GRM6: variants seen among roughly 807,000 people sequenced by gnomAD.
GRM6 encodes metabotropic glutamate receptor 6.
A neutral mutation model predicts 78.4 loss-of-function variants in GRM6; 73 were observed. That is an observed-to-expected ratio of 0.93 (90% confidence interval 0.77 to 1.13). GRM6 has a LOEUF of 1.13. GRM6 is among the 50% of genes most tolerant of loss of function. The probability of loss-of-function intolerance (pLI) is 0.00; values close to 1 mark genes in which losing one functional copy is unlikely to be tolerated. For synonymous variants in GRM6, 580 were observed against 555.0 expected, an observed-to-expected ratio of 1.05 and a Z score of -0.63; for missense variants, 1,251 against 1,256.4, an observed-to-expected ratio of 1.00 and a Z score of 0.07.
At position 178,986,492 on chromosome 5, in the gene GRM6, G is replaced by T. The variant is rs758372034; in HGVS notation, c.1762C>A (p.Pro588Thr). The change falls in exon 9 of 11, where the codon CCG (proline) becomes ACG (threonine). Residue 588 changes from proline to threonine, a missense_variant. By Grantham distance (38) the Pro-to-Thr change is conservative (BLOSUM62 -1). Transcript: ENST00000517717. Reference sequence around the variant, plus strand: ...CCCAGCACGGCCAGGAGGAGCGGCGGGGCTGCCCAGGGGGAGGACCAGCTC... The same window carrying T: ...CCCAGCACGGCCAGGAGGAGCGGCGTGGCTGCCCAGGGGGAGGACCAGCTC... The part of the protein sequence containing the change: ...RLSWSSPWAA[P>T]PLLLAVLGIV... The T allele has an allele frequency of 6.2e-7, 1 of 1,610,386 alleles. No individual in the cohort carries two copies. Among genetic ancestry groups the T allele is most frequent in the East Asian group, 2.2e-5 (1 of 44,814 alleles).
chr5:178,991,524 T>C lies in GRM6; in HGVS notation c.757A>G (p.Arg253Gly). 1.2e-6 allele frequency: 2 copies of C among 1,613,840 alleles called. No homozygotes were observed. The highest frequency in any genetic ancestry group is 1.7e-6 in the Non-Finnish European group (2 of 1,179,860). ...VCIAQSIKIP[R>G]EPKPGEFSKV... ...CTGAACTCTCCTGGCTTTGGTTCCCTGGGAATCTTGATAGACTGGGCAATA... is the reference window on the plus strand; with the variant it reads ...CTGAACTCTCCTGGCTTTGGTTCCCCGGGAATCTTGATAGACTGGGCAATA... The change falls in exon 4 of 11, where the codon AGG (arginine) becomes GGG (glycine). Residue 253 changes from arginine to glycine, a missense_variant. By Grantham distance (125) the Arg-to-Gly change is moderately radical (BLOSUM62 -2). Coordinates refer to ENST00000517717, the MANE Select transcript of GRM6 (RefSeq NM_000843.4). This position sits in a 1 kb window ranked among gnomAD's most constrained non-coding sequence, Gnocchi z 5.0.
At chr5:178,987,034 G>A (rs529689166) in intron 7 of GRM6, 51 bp from the exon 8 acceptor site, 2 of 1,590,728 alleles carry the variant, frequency 1.3e-6, no homozygotes, top group Non-Finnish European at 1.7e-6. Flanking sequence ...AGCAGAGCTG[G>A]CCTCCTGGGG....
rs747765276 is a variant in GRM6 at position 178,986,141 on chromosome 5, T to C, written c.2113A>G (p.Thr705Ala). The change falls in exon 9 of 11, where the codon ACC becomes GCC. Residue 705 changes from threonine to alanine, a missense_variant. By Grantham distance (58) the Thr-to-Ala change is moderately conservative. Coordinates refer to ENST00000517717, the MANE Select transcript of GRM6 (RefSeq NM_000843.4). ...TSQLVITFSL[T>A]SLQVVGMIAW... is the part of the protein sequence containing the mutation. ...GCCTACGGACCCACCTGCAGGGAGG[T>C]GAGGCTGAAGGTGATGACCAGCTGT... The C allele has an allele frequency of 3.7e-6, 6 of 1,612,342 alleles. No individual in the cohort carries two copies. In the Admixed American group the frequency reaches 1.0e-4, roughly 27 times the overall value.
Position 178,994,436 on chromosome 5 carries a change from C to A in GRM6, c.504+5G>T. On this transcript the variant is annotated splice_donor_5th_base_variant and intron_variant, in intron 2 of 10. Coordinates refer to ENST00000517717, the MANE Select transcript of GRM6 (RefSeq NM_000843.4). Reference sequence around the variant, plus strand: ...GGACACCGAGCCCGGCCCCGCGGCCCTCACCGCAAACAGGCGCAGCACGTT... The same window carrying A: ...GGACACCGAGCCCGGCCCCGCGGCCATCACCGCAAACAGGCGCAGCACGTT... 1 of 1,492,074 alleles carries A rather than the reference C, an allele frequency of 6.7e-7. No homozygotes were observed. The highest frequency in any genetic ancestry group is 2.8e-5 in the East Asian group (1 of 35,382). 92.4% of individuals were successfully genotyped at this position (1,492,074 alleles called of 1,614,324 possible). A position where few individuals can be genotyped will look rare whatever the true frequency, so the allele number is the denominator to read the frequency against.
At chr5:178,987,694 T>C (rs1320339514) in intron 7 of GRM6, among the ~76,000 whole-genome samples, 1 of 152,114 alleles carries the variant, frequency 6.6e-6, no homozygotes, top group Non-Finnish European at 1.5e-5. Context: ...TACAGAGTTA[T>C]GGTTTCATAG....
Position 178,990,603 on chromosome 5 carries a change from G to A in GRM6, c.1001C>T (p.Ala334Val), listed in dbSNP as rs1368984024. The change falls in exon 5 of 11, where the codon GCC becomes GTC. Residue 334 changes from alanine (A) to valine (V), a missense_variant. Ala to Val is a moderately conservative substitution (Grantham distance 64, BLOSUM62 0). Coordinates refer to ENST00000517717, the MANE Select transcript of GRM6 (RefSeq NM_000843.4). ...GCCCCTGGACTCACCGTCGATGGAG[G>A]CCCTTTTGGGCAGGATGGTGATGGC... ...VGAITILPKRASIDGFDQYFM... is the reference protein window; with the variant it reads ...VGAITILPKRVSIDGFDQYFM... The A allele has an allele frequency of 6.2e-7, 1 of 1,612,824 alleles. No homozygotes were observed. Among genetic ancestry groups the A allele is most frequent in the Non-Finnish European group, 8.5e-7 (1 of 1,179,528 alleles).
intron 5 of GRM6, 138 bp from the exon 6 acceptor site, chr5:178,989,543 A>G (rs1760636551): frequency 4.6e-6 from 5 of 1,087,372 alleles, no homozygotes; most frequent in South Asian, 1.3e-5. Context: ...AGGCATGGCC[A>G]GGTGAGCTAG....
rs121434304 is a variant in GRM6, at chr5:178,989,075, A to G, written c.1214T>C (p.Ile405Thr). 5.3e-5 allele frequency: 86 copies of G among 1,613,960 alleles called. No homozygotes were observed. Among genetic ancestry groups the G allele is most frequent in the Non-Finnish European group, 7.1e-5 (84 of 1,179,974 alleles). Residue 405 changes from isoleucine (I) to threonine (T), a missense_variant, in exon 7 of 11, where the codon ATT becomes ACT. Physicochemically the swap from Ile to Thr is moderately conservative, Grantham distance 89 (BLOSUM62 -1). Coordinates refer to ENST00000517717, the MANE Select transcript of GRM6 (RefSeq NM_000843.4). ...YEQEGKVQFV[I>T]DAVYAIAHAL... ...GTGGGCAATGGCGTACACCGCATCA[A>G]TCACAAACTGCACCTTGCCCTCCTG...
rs11950921 is a variant in GRM6, at chr5:178,985,715, C to G, written c.2124+415G>C. The G allele has an allele frequency of 8.8e-5, 34 of 384,922 alleles. 1 individual carries two copies. The highest frequency in any genetic ancestry group is 3.5e-4 in the African/African-American group (15 of 43,042). 23.8% of individuals were successfully genotyped at this position (384,922 alleles called of 1,614,324 possible). A position where few individuals can be genotyped will look rare whatever the true frequency, so the allele number is the denominator to read the frequency against. Reference sequence around the variant, plus strand: ...GAGACTCTGTCTAAAAAAAAAAAAACAAAACAACACAGGAACCAAAATAGA... The same window carrying G: ...GAGACTCTGTCTAAAAAAAAAAAAAGAAAACAACACAGGAACCAAAATAGA... On this transcript the variant is annotated intron_variant, in intron 9 of 10. Transcript: ENST00000517717.
intron 7 of GRM6, chr5:178,987,376 G>A (rs557531523): frequency 4.7e-5 from 22 of 466,176 alleles, no homozygotes; most frequent in Middle Eastern, 3.2e-4. Flanking sequence ...TCACAGCAGC[G>A]TTATTCACAT....
intron 9 of GRM6, among the ~76,000 whole-genome samples, chr5:178,984,837 C>T (rs571297620): frequency 4.3e-4 from 66 of 152,214 alleles, no homozygotes; most frequent in South Asian, 3.9e-3. Context: ...GTGCTCCAAA[C>T]GGGTGAGCAG....
chr5:178,985,379 G>A, intron 9 of GRM6: 1 of 389,390 alleles, frequency 2.6e-6, no homozygotes, highest in Non-Finnish European at 5.0e-6. Context: ...TCACAGGAGG[G>A]GAGGGGCTCC....
rs768428966 is a variant in GRM6, at chr5:178,991,704, G to A, written c.722-145C>T. ...CACCCTCCGCCAAGCCTGAGGCAGG[G>A]CTGAGTCGTCCAAAACAAAGAGGTC... On this transcript the variant is annotated intron_variant, in intron 3 of 10. Coordinates refer to ENST00000517717, the MANE Select transcript of GRM6 (RefSeq NM_000843.4). This position sits in a 1 kb window ranked among gnomAD's most constrained non-coding sequence, Gnocchi z 5.0. 1 of 1,195,882 alleles carries A rather than the reference G, an allele frequency of 8.4e-7. No individual in the cohort carries two copies. The highest frequency in any genetic ancestry group is 2.3e-5 in the East Asian group (1 of 42,582). 74.1% of individuals were successfully genotyped at this position (1,195,882 alleles called of 1,614,324 possible). A position where few individuals can be genotyped will look rare whatever the true frequency, so the allele number is the denominator to read the frequency against.
In GRM6 at chr5:178,991,378, C is replaced by G. The variant is rs1320798754; in HGVS notation, c.857+46G>C. On this transcript the variant is annotated intron_variant, in intron 4 of 10. Transcript: ENST00000517717. The surrounding 1 kb of genome is among the most constrained non-coding windows in gnomAD (Gnocchi z 5.0). Reference sequence around the variant, plus strand: ...CGATGTGCAAGAGGAGGGGTGGGACCCTCAGGGAGAGCCCCAGGGGCCCGG... The same window carrying G: ...CGATGTGCAAGAGGAGGGGTGGGACGCTCAGGGAGAGCCCCAGGGGCCCGG... The G allele has an allele frequency of 6.3e-7, 1 of 1,584,664 alleles. No individual in the cohort carries two copies. Among genetic ancestry groups the G allele is most frequent in the African/African-American group, 1.3e-5 (1 of 74,368 alleles).
rs970713270 is a variant in GRM6 at position 178,991,084 on chromosome 5, C to T, written c.858-338G>A. Among the ~76,000 whole-genome samples the T allele has an allele frequency of 3.9e-4, 59 of 152,148 alleles. No homozygotes were observed. The highest frequency in any genetic ancestry group is 1.3e-3 in the African/African-American group (56 of 41,512). ...GAGATGAACTCGGGCCGGTGGGTCTCGGGCTGGGGTCCGCAGCCTCTGTAT... is the reference window on the plus strand; with the variant it reads ...GAGATGAACTCGGGCCGGTGGGTCTTGGGCTGGGGTCCGCAGCCTCTGTAT... On this transcript the variant is annotated intron_variant, in intron 4 of 10. Transcript: ENST00000517717. The surrounding 1 kb of genome is among the most constrained non-coding windows in gnomAD (Gnocchi z 5.0).
intron 9 of GRM6, chr5:178,985,339 G>A (rs1760490700): frequency 6.7e-6 from 3 of 446,266 alleles, no homozygotes; most frequent in East Asian, 7.2e-5. Context: ...GGACCCAGCA[G>A]GGGAGATGGC....
intron 2 of GRM6, among the ~76,000 whole-genome samples, chr5:178,993,485 G>A (rs905979591): frequency 6.6e-6 from 1 of 152,210 alleles, no homozygotes; most frequent in Non-Finnish European, 1.5e-5. Context: ...CATGTGCGCA[G>A]ACGATAGGGA....
intron 5 of GRM6, 137 bp from the exon 6 acceptor site, chr5:178,989,542 C>G: frequency 9.0e-7 from 1 of 1,108,840 alleles, no homozygotes; most frequent in East Asian, 2.4e-5. Context: ...TAGGCATGGC[C>G]AGGTGAGCTA....
At chr5:178,985,664 C>CTGCACTCCAGCCTG (rs2113324615) in intron 9 of GRM6, 1 of 397,652 alleles carries the variant, frequency 2.5e-6, no homozygotes, top group African/African-American at 2.2e-5. Flanking sequence ...GATAGTGCCA[C>CTGCACTCCAGCCTG]TGCACTCCAG....
Sources: gnomAD v4.1 joint callset for allele counts (sites outside exome capture counted in the v4.1 genomes callset) on GRCh38, gnomAD v4.1.1 for gene constraint, Gnocchi (gnomAD v3.1) non-coding constraint, MANE v1.5 for transcripts, NCBI Gene and HGNC (gene_info 2026-07-23, HGNC 2026-07-21) for gene names.